Variants in IGF2BP2 observed in about 807,000 individuals in gnomAD.
IGF2BP2 encodes the protein insulin-like growth factor 2 mRNA-binding protein 2.
IGF2BP2 carries 17 observed loss-of-function variants against 75.8 expected under a neutral mutation model. The observed-to-expected ratio is 0.22, with a 90% confidence interval of 0.15 to 0.34. The LOEUF (loss-of-function observed/expected upper bound fraction) is 0.34. Ranked by LOEUF, IGF2BP2 falls within the 10% of genes least tolerant of loss-of-function variation. The probability of loss-of-function intolerance (pLI) is 1.00; values close to 1 mark genes in which losing one functional copy is unlikely to be tolerated. For missense variants in IGF2BP2, 516 were observed against 772.4 expected, an observed-to-expected ratio of 0.67 and a Z score of 3.93; for synonymous variants, 288 against 295.6, an observed-to-expected ratio of 0.97 and a Z score of 0.26.
At chr3:185,803,761 G>A (rs1183535531) in intron 2 of IGF2BP2, among the ~76,000 whole-genome samples, 2 of 152,164 alleles carry the variant, frequency 1.3e-5, no homozygotes, top group South Asian at 2.1e-4. Context: ...TCCTTTAAAG[G>A]GGGGTAGGGG....
chr3:185,741,230 T>C (rs555253223), intron 2 of IGF2BP2, among the ~76,000 whole-genome samples: 39 of 152,162 alleles, frequency 2.6e-4, no homozygotes, highest in Non-Finnish European at 5.3e-4. Context: ...AATACTCCAA[T>C]AGCATATAAA....
intron 2 of IGF2BP2, among the ~76,000 whole-genome samples, chr3:185,751,030 A>G (rs1325995328): frequency 6.6e-6 from 1 of 152,062 alleles, no homozygotes; most frequent in African/African-American, 2.4e-5. Flanking sequence ...CAGCCTGGCC[A>G]ACATAGTGAA....
At chr3:185,729,259 G>GA (rs1274267364) in intron 2 of IGF2BP2, among the ~76,000 whole-genome samples, 1 of 152,300 alleles carries the variant, frequency 6.6e-6, no homozygotes, top group East Asian at 1.9e-4. Flanking sequence ...ATTGGGAGCT[G>GA]AAATGGCCAC....
intron 2 of IGF2BP2, among the ~76,000 whole-genome samples, chr3:185,820,553 A>C (rs900805881): frequency 6.6e-6 from 1 of 152,160 alleles, no homozygotes; most frequent in African/African-American, 2.4e-5. Flanking sequence ...TGCAAAAAGA[A>C]AAGAGTTTTC....
chr3:185,725,448 T>C (rs1310649424), intron 2 of IGF2BP2, among the ~76,000 whole-genome samples: 1 of 152,024 alleles, frequency 6.6e-6, no homozygotes, highest in African/African-American at 2.4e-5. Context: ...TGGAGGGTGT[T>C]AAAGGTCACA....
chr3:185,690,651 CAAATTCCT>C (rs1721824039), intron 5 of IGF2BP2, among the ~76,000 whole-genome samples: 1 of 152,198 alleles, frequency 6.6e-6, no homozygotes, highest in South Asian at 2.1e-4. Context: ...GCACACAGGA[CAAATTCCT>C]AGTAGAATTG....
chr3:185,741,994 GGAAAA>G (rs1240253440), intron 2 of IGF2BP2, among the ~76,000 whole-genome samples: 1 of 152,024 alleles, frequency 6.6e-6, no homozygotes, highest in Non-Finnish European at 1.5e-5. Context: ...TGTTATAGAA[GGAAAA>G]GAAGAGATAA....
chr3:185,697,217 T>C (rs1722697999), intron 3 of IGF2BP2, among the ~76,000 whole-genome samples: 1 of 152,302 alleles, frequency 6.6e-6, no homozygotes, highest in East Asian at 1.9e-4. Flanking sequence ...GCCACTCTCC[T>C]GCCTCAGCCT....
intron 2 of IGF2BP2, chr3:185,722,246 C>T (rs1225077439): frequency 2.2e-6 from 1 of 456,200 alleles, no homozygotes. Context: ...AAGTGTTTAT[C>T]CCCATTCCAT....
At chr3:185,730,764 G>A (rs1030288491) in intron 2 of IGF2BP2, among the ~76,000 whole-genome samples, 3 of 152,062 alleles carry the variant, frequency 2.0e-5, no homozygotes, top group African/African-American at 4.8e-5. Flanking sequence ...TGAGATGATG[G>A]TAGTTCTATT....
chr3:185,677,738 C>T (rs1215250149), intron 7 of IGF2BP2, among the ~76,000 whole-genome samples: 1 of 151,890 alleles, frequency 6.6e-6, no homozygotes, highest in African/African-American at 2.4e-5. Flanking sequence ...TATGCATGAA[C>T]AAAATGAGAA....
intron 2 of IGF2BP2, among the ~76,000 whole-genome samples, chr3:185,753,786 T>C (rs2149650233): frequency 6.6e-6 from 1 of 152,296 alleles, no homozygotes; most frequent in East Asian, 1.9e-4. Flanking sequence ...TTCCCAATGT[T>C]GGAGGTGGGG....
At chr3:185,712,972 T>G (rs561367776) in intron 2 of IGF2BP2, among the ~76,000 whole-genome samples, 4 of 152,244 alleles carry the variant, frequency 2.6e-5, no homozygotes, top group Non-Finnish European at 5.9e-5. Context: ...AGGATACTCT[T>G]GTACAATATC....
intron 2 of IGF2BP2, among the ~76,000 whole-genome samples, chr3:185,811,830 GTCTCTCTCTCTCTC>G (rs58208457): frequency 5.0e-4 from 61 of 120,808 alleles, no homozygotes; most frequent in South Asian, 1.5e-3. Context: ...AGAGTAGGGT[GTCTCTCTCTCTCTC>G]TCTCTCTCTC....
At chr3:185,682,824 C>T (rs1286738605) in intron 7 of IGF2BP2, among the ~76,000 whole-genome samples, 1 of 152,086 alleles carries the variant, frequency 6.6e-6, no homozygotes, top group African/African-American at 2.4e-5. Context: ...GAAACTGAAA[C>T]CCCTGTGCAC....
At chr3:185,771,623 G>C (rs1411758170) in intron 2 of IGF2BP2, among the ~76,000 whole-genome samples, 1 of 152,068 alleles carries the variant, frequency 6.6e-6, no homozygotes, top group Non-Finnish European at 1.5e-5. Flanking sequence ...AAACTTTCTA[G>C]ATAACCAAGG....
intron 2 of IGF2BP2, among the ~76,000 whole-genome samples, chr3:185,723,113 G>C (rs1468045655): frequency 6.6e-6 from 1 of 152,204 alleles, no homozygotes; most frequent in Non-Finnish European, 1.5e-5. Context: ...TCAGAATTGA[G>C]ATCTGCTGAG....
chr3:185,690,554 T>G (rs1187372833), intron 5 of IGF2BP2, among the ~76,000 whole-genome samples: 2 of 152,254 alleles, frequency 1.3e-5, no homozygotes, highest in African/African-American at 4.8e-5. Flanking sequence ...TTTTTGCAAC[T>G]GATCCTTTAT....
intron 2 of IGF2BP2, among the ~76,000 whole-genome samples, chr3:185,789,145 T>A (rs4490396): frequency 0.29 from 44,248 of 152,058 alleles, 6,783 homozygotes; most frequent in African/African-American, 0.39. Context: ...GGCACCAGCA[T>A]CAACAAAGAC....
Sources: gnomAD v4.1 joint callset for allele counts (sites outside exome capture counted in the v4.1 genomes callset) on GRCh38, gnomAD v4.1.1 for gene constraint, MANE v1.5 for transcripts, NCBI Gene and HGNC (gene_info 2026-07-23, HGNC 2026-07-21) for gene names.